Variants in ERG observed in about 807,000 individuals in gnomAD.
The protein encoded by ERG is transcriptional regulator ERG.
ERG carries 9 observed loss-of-function variants against 55.3 expected under a neutral mutation model. The ratio of observed to expected loss-of-function variants is 0.16; its 90% CI spans 0.10 to 0.28. The LOEUF is 0.28. Among genes scored for constraint, ERG ranks in the 10% least tolerant of loss-of-function variants. The pLI is 1.00. For synonymous variants in ERG, 223 were observed against 237.3 expected, an observed-to-expected ratio of 0.94 and a Z score of 0.55; for missense variants, 434 against 631.6, an observed-to-expected ratio of 0.69 and a Z score of 3.35.
intron 2 of ERG, among the ~76,000 whole-genome samples, chr21:38,561,920 A>C (rs188442990): frequency 1.9e-3 from 293 of 152,344 alleles, no homozygotes; most frequent in African/African-American, 6.5e-3. Context: ...TCTCAGAAGT[A>C]ACATGTACTC....
At position 38,406,154 on chromosome 21, in the gene ERG, C is replaced by CAAAAAA. The variant is rs56711562; in HGVS notation, c.389-2451_389-2446dup. Among the ~76,000 whole-genome samples, 70 of 95,010 alleles carry CAAAAAA rather than the reference C, an allele frequency of 7.4e-4. 2 individuals are homozygous for CAAAAAA. The highest frequency in any genetic ancestry group is 2.5e-3 in the African/African-American group (60 of 24,282). 62.3% of individuals were successfully genotyped at this position (95,010 alleles called of 152,430 possible). ...TGAGCGACAGAGCGAGACTCCATCT[C>CAAAAAA]AAAAAAAAAAAAAAAAAAAAATCAT... is the stretch of plus-strand genomic sequence containing the variant. On this transcript the variant is annotated intron_variant, in intron 3 of 9. Coordinates refer to ENST00000288319, the MANE Select transcript of ERG (RefSeq NM_182918.4).
chr21:38,660,324 C>A (rs2060544731), intron 1 of ERG, among the ~76,000 whole-genome samples: 1 of 152,246 alleles, frequency 6.6e-6, no homozygotes, highest in Non-Finnish European at 1.5e-5. Flanking sequence ...TCCATCCGCA[C>A]CCGACTGCAC....
chr21:38,403,820 C>T, intron 3 of ERG, 111 bp from the exon 4 acceptor site: 1 of 1,013,242 alleles, frequency 9.9e-7, no homozygotes, highest in South Asian at 1.4e-5. Flanking sequence ...ACAAGCACAG[C>T]CTCCAGCCAG....
intron 1 of ERG, among the ~76,000 whole-genome samples, chr21:38,647,149 G>T (rs1295766554): frequency 6.6e-6 from 1 of 152,172 alleles, no homozygotes; most frequent in East Asian, 1.9e-4. Context: ...AAGGGGAGCT[G>T]TCATCCATCT....
chr21:38,411,289 G>T lies in ERG; in HGVS notation c.389-7580C>A, dbSNP rs140457604. 3.4e-3 allele frequency among the ~76,000 whole-genome samples: 523 copies of T among 152,282 alleles called. 3 individuals carry two copies. Among genetic ancestry groups the T allele is most frequent in the African/African-American group, 0.012 (506 of 41,550 alleles). On this transcript the variant is annotated intron_variant, in intron 3 of 9. Coordinates refer to ENST00000288319, the MANE Select transcript of ERG (RefSeq NM_182918.4). ...CTAATTTTATTGCACGTTGGCCAGT[G>T]AATAGAGTCTGTATGAAATTAACAT... is the stretch of plus-strand genomic sequence containing the variant.
chr21:38,505,517 A>G (rs914755143), intron 2 of ERG, among the ~76,000 whole-genome samples: 3 of 152,234 alleles, frequency 2.0e-5, no homozygotes, highest in African/African-American at 7.2e-5. Flanking sequence ...TGATGATATC[A>G]GTAAATTTGT....
At chr21:38,496,921 T>A (rs2059384705) in intron 1 of ERG, among the ~76,000 whole-genome samples, 1 of 152,218 alleles carries the variant, frequency 6.6e-6, no homozygotes, top group South Asian at 2.1e-4. Context: ...TGATTTAACA[T>A]GCATATGAAT....
intron 6 of ERG, among the ~76,000 whole-genome samples, chr21:38,398,349 C>G (rs1311210493): frequency 6.6e-6 from 1 of 152,186 alleles, no homozygotes; most frequent in Non-Finnish European, 1.5e-5. Flanking sequence ...ATAGGGCCTA[C>G]AGTAAATAGT....
chr21:38,395,939 C>T (rs773632610), intron 6 of ERG, among the ~76,000 whole-genome samples: 5 of 152,256 alleles, frequency 3.3e-5, no homozygotes, highest in East Asian at 1.9e-4. Context: ...ACCGCCACCC[C>T]GCTGCCTACC....
At chr21:38,621,482 G>C (rs923675946) in intron 1 of ERG, among the ~76,000 whole-genome samples, 2 of 152,152 alleles carry the variant, frequency 1.3e-5, no homozygotes, top group Non-Finnish European at 2.9e-5. Flanking sequence ...ATGCCTCAGA[G>C]AGCTGCTGTC....
intron 2 of ERG, among the ~76,000 whole-genome samples, chr21:38,518,683 G>C (rs144534834): frequency 6.6e-6 from 1 of 152,036 alleles, no homozygotes; most frequent in East Asian, 1.9e-4. Flanking sequence ...GAAGTTTCTG[G>C]AACATAATAT....
intron 1 of ERG, among the ~76,000 whole-genome samples, chr21:38,605,387 G>T (rs1274651244): frequency 6.6e-6 from 1 of 152,028 alleles, no homozygotes. Context: ...TGGTAGACTC[G>T]CCTGAGACAA....
At chr21:38,581,705 T>G (rs565714128) in intron 1 of ERG, among the ~76,000 whole-genome samples, 2 of 152,274 alleles carry the variant, frequency 1.3e-5, no homozygotes, top group African/African-American at 4.8e-5. Flanking sequence ...GCTTCTGGGC[T>G]GGTGAGCATA....
At position 38,380,395 on chromosome 21, in the gene ERG, C is replaced by T; in HGVS notation, c.*3008G>A. 9.4e-7 allele frequency: 1 copy of T among 1,062,016 alleles called. No homozygotes were observed. The highest frequency in any genetic ancestry group is 5.1e-5 in the East Asian group (1 of 19,660). The allele number at this position is 1,062,016 out of a possible 1,614,324, so 65.8% of individuals were successfully genotyped here. ...TGTGAACCCCTCCGGGACATAAGGG[C>T]ATCAAACTAGGAACAAAAACACAGT... On this transcript the variant is annotated 3_prime_UTR_variant, in exon 10 of 10. Coordinates refer to ENST00000288319, the MANE Select transcript of ERG (RefSeq NM_182918.4).
chr21:38,389,183 T>C (rs1240418611), intron 9 of ERG, among the ~76,000 whole-genome samples: 5 of 152,064 alleles, frequency 3.3e-5, no homozygotes, highest in Non-Finnish European at 7.4e-5. Context: ...AGTGGCAGAG[T>C]AGGGCAAGAA....
At chr21:38,432,696 G>A (rs539935604) in intron 2 of ERG, among the ~76,000 whole-genome samples, 53 of 152,274 alleles carry the variant, frequency 3.5e-4, no homozygotes, top group African/African-American at 1.1e-3. Context: ...AGAAATACTC[G>A]AAAGCAGGAG....
At chr21:38,630,107 G>C (rs565436391) in intron 1 of ERG, among the ~76,000 whole-genome samples, 1 of 152,222 alleles carries the variant, frequency 6.6e-6, no homozygotes, top group East Asian at 1.9e-4. Context: ...TATGGAAAGG[G>C]GGAAGGGGGA....
At chr21:38,527,089 T>G (rs1377008579) in intron 2 of ERG, among the ~76,000 whole-genome samples, 1 of 152,188 alleles carries the variant, frequency 6.6e-6, no homozygotes, top group Non-Finnish European at 1.5e-5. Flanking sequence ...AGCACCATAA[T>G]GAGTGAAGTC....
chr21:38,629,906 G>C (rs1430426023), intron 1 of ERG, among the ~76,000 whole-genome samples: 2 of 152,072 alleles, frequency 1.3e-5, no homozygotes, highest in Admixed American at 1.3e-4. Context: ...ACATACACGG[G>C]CATATTACTC....
Sources: allele counts gnomAD v4.1 joint callset (sites outside exome capture counted in the v4.1 genomes callset), GRCh38; gene constraint gnomAD v4.1.1; transcripts MANE v1.5; gene names NCBI Gene and HGNC (gene_info 2026-07-23, HGNC 2026-07-21).